Variants in NREP observed in about 807,000 individuals in gnomAD.
The protein encoded by NREP is neuronal regeneration-related protein.
NREP carries 5 observed loss-of-function variants against 8.6 expected under a neutral mutation model. The observed-to-expected ratio is 0.58, with a 90% CI of 0.30 to 1.22. The LOEUF is 1.22. Ranked by LOEUF, NREP falls within the 50% of genes most tolerant of loss-of-function variation. NREP has a pLI of 0.07. For synonymous variants in NREP, 27 were observed against 28.0 expected (o/e 0.96, Z 0.11); for missense variants, 86 against 82.5 (o/e 1.04, Z -0.17).
intron 2 of NREP, among the ~76,000 whole-genome samples, chr5:111,751,439 T>C (rs1028353882): frequency 1.3e-5 from 2 of 152,186 alleles, no homozygotes; most frequent in Non-Finnish European, 2.9e-5. Flanking sequence ...TCTTCCTAGG[T>C]ACAAAATATA....
intron 2 of NREP, among the ~76,000 whole-genome samples, chr5:111,920,107 C>T (rs1755196157): frequency 6.6e-6 from 1 of 151,846 alleles, no homozygotes; most frequent in Non-Finnish European, 1.5e-5. Context: ...AGCCTACTCA[C>T]CCAATTCCTG....
chr5:111,859,825 C>T (rs990749837), intron 2 of NREP, among the ~76,000 whole-genome samples: 3 of 152,074 alleles, frequency 2.0e-5, no homozygotes, highest in African/African-American at 7.2e-5. Context: ...CATGGCAATT[C>T]TGTTTCTTGG....
chr5:111,799,171 C>G lies in NREP; in HGVS notation c.136-63664G>C, dbSNP rs1751943984. On this transcript the variant is annotated intron_variant, in intron 2 of 3. Coordinates refer to the NREP transcript ENST00000395634. ...TACCATGCTGTTTTCATGACCATGGCCTTACAGATTAGTTTGAAGTTGGGT... is the reference window on the plus strand; with the variant it reads ...TACCATGCTGTTTTCATGACCATGGGCTTACAGATTAGTTTGAAGTTGGGT... Among the ~76,000 whole-genome samples the G allele has an allele frequency of 2.0e-5, 3 of 152,266 alleles. 1 individual carries two copies. In the South Asian group the frequency reaches 6.2e-4, roughly 32 times the overall value.
intron 2 of NREP, among the ~76,000 whole-genome samples, chr5:111,859,007 A>T (rs183877485): frequency 1.0e-3 from 156 of 152,252 alleles, no homozygotes; most frequent in African/African-American, 3.6e-3. Context: ...GAGCCAAGAA[A>T]GTTCTTTTCC....
intron 2 of NREP, 142 bp from the exon 3 acceptor site, chr5:111,735,649 C>T: frequency 1.7e-6 from 1 of 573,454 alleles, no homozygotes; most frequent in East Asian, 2.8e-5. Flanking sequence ...AAACCATTAA[C>T]TCTTTCAAAC....
chr5:111,880,065 C>A (rs897789646), intron 2 of NREP, among the ~76,000 whole-genome samples: 2 of 152,202 alleles, frequency 1.3e-5, no homozygotes, highest in East Asian at 1.9e-4. Context: ...GGAATCTGAG[C>A]AAATTGGATC....
intron 2 of NREP, among the ~76,000 whole-genome samples, chr5:111,810,835 T>G (rs1752252808): frequency 6.6e-6 from 1 of 152,212 alleles, no homozygotes; most frequent in Admixed American, 6.5e-5. Flanking sequence ...GTGAGTCCTA[T>G]AATTACTTTT....
chr5:111,943,816 G>A (rs768462411), intron 2 of NREP, among the ~76,000 whole-genome samples: 7 of 152,010 alleles, frequency 4.6e-5, no homozygotes, highest in South Asian at 2.1e-4. Context: ...GGATTTTTCC[G>A]ATTAGCTCTT....
intron 2 of NREP, among the ~76,000 whole-genome samples, chr5:111,887,926 G>A (rs1754300764): frequency 6.6e-6 from 1 of 152,142 alleles, no homozygotes; most frequent in Non-Finnish European, 1.5e-5. Context: ...ATTCCCAGAG[G>A]TACCTTGTTA....
chr5:111,750,549 C>A (rs745954526), intron 2 of NREP, among the ~76,000 whole-genome samples: 4 of 152,210 alleles, frequency 2.6e-5, no homozygotes, highest in Non-Finnish European at 5.9e-5. Context: ...CTATTTCTGG[C>A]TCCAGCTTAA....
chr5:111,766,349 G>C (rs991494922), intron 2 of NREP, among the ~76,000 whole-genome samples: 2 of 152,086 alleles, frequency 1.3e-5, no homozygotes, highest in Non-Finnish European at 2.9e-5. Context: ...AAATTGTCAG[G>C]TTTCCATTTG....
chr5:111,788,640 A>G (rs1375537737), intron 2 of NREP, among the ~76,000 whole-genome samples: 1 of 152,230 alleles, frequency 6.6e-6, no homozygotes, highest in African/African-American at 2.4e-5. Context: ...ATTTGATTTG[A>G]ATCTCAAAGG....
intron 2 of NREP, among the ~76,000 whole-genome samples, chr5:111,903,958 T>C (rs763020108): frequency 3.5e-4 from 53 of 152,164 alleles, no homozygotes; most frequent in African/African-American, 1.2e-3. Flanking sequence ...CTCAATTTAG[T>C]CTACCAATTA....
chr5:111,733,569 G>A (rs577682229), intron 3 of NREP: 2 of 151,934 alleles, frequency 1.3e-5, no homozygotes, highest in East Asian at 1.9e-4. Flanking sequence ...TCTGCAACAA[G>A]TGGAGGAGGC....
chr5:111,908,456 G>T (rs925694041), intron 2 of NREP, among the ~76,000 whole-genome samples: 1 of 151,962 alleles, frequency 6.6e-6, no homozygotes, highest in African/African-American at 2.4e-5. Context: ...GGAGTCACCA[G>T]TGTCTCTTAG....
intron 2 of NREP, among the ~76,000 whole-genome samples, chr5:111,753,646 G>A (rs1750519167): frequency 6.6e-6 from 1 of 151,890 alleles, no homozygotes; most frequent in East Asian, 1.9e-4. Context: ...TTTAAATTAT[G>A]TAACTGGAAA....
chr5:111,839,807 C>A (rs751762545), intron 2 of NREP, among the ~76,000 whole-genome samples: 19 of 151,988 alleles, frequency 1.3e-4, no homozygotes, highest in Non-Finnish European at 2.4e-4. Context: ...ATGTATTAAT[C>A]TGCATAGTAT....
At chr5:111,874,109 G>A (rs1298985231) in intron 2 of NREP, among the ~76,000 whole-genome samples, 1 of 152,102 alleles carries the variant, frequency 6.6e-6, no homozygotes, top group African/African-American at 2.4e-5. Flanking sequence ...TTGCCCCAGA[G>A]CTAGTTCTCT....
intron 2 of NREP, among the ~76,000 whole-genome samples, chr5:111,908,511 A>T (rs551239426): frequency 6.6e-6 from 1 of 152,040 alleles, no homozygotes. Context: ...GTTTCCACTT[A>T]TAAGTGAGAA....
Sources: gnomAD v4.1 joint callset for allele counts (sites outside exome capture counted in the v4.1 genomes callset) on GRCh38, gnomAD v4.1.1 for gene constraint, MANE v1.5 for transcripts, NCBI Gene and HGNC (gene_info 2026-07-23, HGNC 2026-07-21) for gene names.